CLN6: variants seen among roughly 807,000 people sequenced by gnomAD.
CLN6 encodes the protein ceroid-lipofuscinosis neuronal protein 6.
A neutral mutation model predicts 33.3 loss-of-function variants in CLN6; 22 were observed. The observed-to-expected ratio is 0.66, with a 90% CI of 0.47 to 0.94. The LOEUF (loss-of-function observed/expected upper bound fraction) is 0.94, where lower values mean the gene tolerates loss of function less well. Ranked by LOEUF, CLN6 falls within the 40% of genes least tolerant of loss-of-function variation. CLN6 has a pLI of 0.00. For missense variants in CLN6, 387 were observed against 417.1 expected, an observed-to-expected ratio of 0.93 and a Z score of 0.63; for synonymous variants, 201 against 174.6, an observed-to-expected ratio of 1.15 and a Z score of -1.19.
In CLN6 at chr15:68,242,123, C is replaced by A. The variant is rs1414757860; in HGVS notation, c.179+14567G>T. Among the ~76,000 whole-genome samples the A allele has an allele frequency of 6.6e-6, 1 of 152,064 alleles. No individual in the cohort carries two copies. Among genetic ancestry groups the A allele is most frequent in the African/African-American group, 2.4e-5 (1 of 41,388 alleles). On this transcript the variant is annotated intron_variant, in intron 1 of 6. Coordinates refer to the CLN6 transcript ENST00000538696. This position sits in a 1 kb window ranked among gnomAD's most constrained non-coding sequence, Gnocchi z 5.0. ...ACCAGTGATGGCCCTAAGAAGATGG[C>A]AATATGTGAGCTCTCTGACCAAGAA...
At position 68,219,093 on chromosome 15, in the gene CLN6, G is replaced by A. The variant is rs537733643; in HGVS notation, c.84-443C>T. Among the ~76,000 whole-genome samples, 13 of 152,300 alleles carry A rather than the reference G, an allele frequency of 8.5e-5. No individual in the cohort carries two copies. The East Asian group carries it at 2.1e-3, about 25-fold the overall frequency. On this transcript the variant is annotated intron_variant, in intron 1 of 6. Transcript: ENST00000249806. This position sits in a 1 kb window ranked among gnomAD's most constrained non-coding sequence, Gnocchi z 4.2. Reference sequence around the variant, plus strand: ...ATCCTCACAGAAACCTTTCAAGGCTGAAATATTACCTCCATTTTAGAAACG... The same window carrying A: ...ATCCTCACAGAAACCTTTCAAGGCTAAAATATTACCTCCATTTTAGAAACG...
rs912728678 is a variant in CLN6 at position 68,241,801 on chromosome 15, C to G, written c.179+14889G>C. Among the ~76,000 whole-genome samples, 3 of 152,192 alleles carry G rather than the reference C, an allele frequency of 2.0e-5. No homozygotes were observed. Among genetic ancestry groups the G allele is most frequent in the African/African-American group, 4.8e-5 (2 of 41,444 alleles). On this transcript the variant is annotated intron_variant, in intron 1 of 6. Coordinates refer to the CLN6 transcript ENST00000538696. The surrounding 1 kb of genome is among the most constrained non-coding windows in gnomAD (Gnocchi z 4.2). ...AGGATATCTGCTCTGGGACCTCCCC[C>G]ATTTGGAACTTCAGTGTTCCAATTG...
chr15:68,251,569 G>A (rs1160495703), intron 1 of CLN6, among the ~76,000 whole-genome samples: 4 of 152,216 alleles, frequency 2.6e-5, no homozygotes, highest in African/African-American at 9.6e-5. Flanking sequence ...CAGCTACTTG[G>A]GAGGCTGAGG....
intron 1 of CLN6, among the ~76,000 whole-genome samples, chr15:68,238,282 T>C (rs1892246811): frequency 6.6e-6 from 1 of 151,666 alleles, no homozygotes. Context: ...CACGTGCCTG[T>C]AATCCCAGCT....
exon 1 of CLN6, chr15:68,257,066 C>G: frequency 6.7e-6 from 3 of 451,028 alleles, no homozygotes; most frequent in Non-Finnish European, 7.9e-6. Context: ...TGCGGTTGGG[C>G]CGCGGGCCCA....
rs1445315583 is a variant in CLN6 at position 68,256,750 on chromosome 15, A to G, written c.119T>C (p.Leu40Pro). 1.4e-6 allele frequency: 1 copy of G among 701,316 alleles called. No individual in the cohort carries two copies. Among genetic ancestry groups the G allele is most frequent in the East Asian group, 2.7e-5 (1 of 37,268 alleles). 43.4% of individuals were successfully genotyped at this position (701,316 alleles called of 1,614,324 possible). A position where few individuals can be genotyped will look rare whatever the true frequency, so the allele number is the denominator to read the frequency against. ...CTCACAGGACAATGGCGCCTGCGCCAGTGGCTTGAAGGCTCGGCTCAAGCC... is the reference window on the plus strand; with the variant it reads ...CTCACAGGACAATGGCGCCTGCGCCGGTGGCTTGAAGGCTCGGCTCAAGCC... The change falls in exon 1 of 7, where the codon CTG becomes CCG. Residue 40 changes from leucine to proline, a missense_variant. Physicochemically the swap from Leu to Pro is moderately conservative, Grantham distance 98 (BLOSUM62 -3). Transcript: ENST00000538696. This position sits in a 1 kb window ranked among gnomAD's most constrained non-coding sequence, Gnocchi z 4.1.
intron 1 of CLN6, among the ~76,000 whole-genome samples, chr15:68,255,293 A>G (rs1248214816): frequency 1.5e-5 from 1 of 65,500 alleles, no homozygotes; most frequent in South Asian, 9.3e-4. Context: ...AAACCCAGAC[A>G]CCTGTTGGAC....
At chr15:68,229,414 C>T in intron 1 of CLN6, 88 bp downstream of exon 1, 1 of 1,086,814 alleles carries the variant, frequency 9.2e-7, no homozygotes, top group Non-Finnish European at 1.3e-6. Context: ...AGGTTCCCGC[C>T]CGGCAGCCCT....
chr15:68,254,827 G>T (rs1348693021), intron 1 of CLN6: 21 of 1,123,278 alleles, frequency 1.9e-5, no homozygotes, highest in Non-Finnish European at 1.5e-5. Flanking sequence ...TGGCAAGGAG[G>T]GGAATAACCC....
At chr15:68,250,429 T>G (rs770651965) in intron 1 of CLN6, among the ~76,000 whole-genome samples, 6 of 151,862 alleles carry the variant, frequency 4.0e-5, no homozygotes, top group Non-Finnish European at 8.8e-5. Flanking sequence ...AAGACCATTC[T>G]GGTTAACCAA....
At chr15:68,254,560 G>C (rs1485524990) in intron 1 of CLN6, 2 of 502,018 alleles carry the variant, frequency 4.0e-6, no homozygotes, top group African/African-American at 3.9e-5. Flanking sequence ...TGAAAAAGAG[G>C]TGAGAACGAC....
intron 1 of CLN6, among the ~76,000 whole-genome samples, chr15:68,221,882 C>T (rs972717160): frequency 7.1e-6 from 1 of 141,788 alleles, no homozygotes; most frequent in Non-Finnish European, 1.5e-5. Flanking sequence ...GGCTGCCCAT[C>T]GTCTGGGATG....
chr15:68,211,347 G>A lies in CLN6; in HGVS notation c.487-29C>T, dbSNP rs200979467. 1.5e-4 allele frequency: 241 copies of A among 1,612,826 alleles called. 1 individual carries two copies. The African/African-American group carries it at 2.5e-3, about 17-fold the overall frequency. Reference sequence around the variant, plus strand: ...AGGGAGGAACGGGCAGGGCAGAGTCGGGGGATGTCGATGTCAGTCCAGGGA... The same window carrying A: ...AGGGAGGAACGGGCAGGGCAGAGTCAGGGGATGTCGATGTCAGTCCAGGGA... On this transcript the variant is annotated intron_variant, in intron 4 of 6. Transcript: ENST00000249806. The surrounding 1 kb of genome is among the most constrained non-coding windows in gnomAD (Gnocchi z 5.9).
chr15:68,236,869 T>C lies in CLN6; in HGVS notation c.180-18219A>G, dbSNP rs570988112. ...ACAATTTGTTGACATTAAAACTGAA[T>C]GGAGGCGGCCGGGCGCGGTGGCTCA... is the stretch of plus-strand genomic sequence containing the variant. On this transcript the variant is annotated intron_variant, in intron 1 of 6. Transcript: ENST00000538696. The surrounding 1 kb of genome is among the most constrained non-coding windows in gnomAD (Gnocchi z 4.5). Among the ~76,000 whole-genome samples the C allele has an allele frequency of 3.9e-5, 6 of 152,174 alleles. No individual in the cohort carries two copies. The highest frequency in any genetic ancestry group is 1.2e-4 in the African/African-American group (5 of 41,438).
chr15:68,256,981 C>G lies in CLN6; in HGVS notation c.-113G>C, dbSNP rs58176711. On this transcript the variant is annotated 5_prime_UTR_variant, in exon 1 of 7. Transcript: ENST00000538696. The surrounding 1 kb of genome is among the most constrained non-coding windows in gnomAD (Gnocchi z 4.1). ...TCACGCATCCCTTCCCTGGGCTTCT[C>G]CGGCACACCTGTATCTAGGGACTGA... The G allele has an allele frequency of 0.037, 21,729 of 581,882 alleles. 2,198 individuals are homozygous for G. The highest frequency in any genetic ancestry group is 0.27 in the African/African-American group (14,622 of 53,472). 36.0% of individuals were successfully genotyped at this position (581,882 alleles called of 1,614,324 possible).
chr15:68,214,709 T>C, intron 2 of CLN6: 1 of 360,168 alleles, frequency 2.8e-6, no homozygotes, highest in Non-Finnish European at 5.4e-6. Context: ...GCTTGGGAGT[T>C]GGTAGGCTTC....
At chr15:68,248,910 G>A (rs1334638843) in intron 1 of CLN6, among the ~76,000 whole-genome samples, 1 of 151,946 alleles carries the variant, frequency 6.6e-6, no homozygotes, top group Non-Finnish European at 1.5e-5. Flanking sequence ...TATGACAAGG[G>A]GGATTAATAA....
rs1380515181 is a variant in CLN6 at position 68,212,105 on chromosome 15, G to A, written c.298-242C>T. ...CTTTACCCAGGGAGCAAAAAGACCA[G>A]AGGGCCCAACTCCTTTCCCAAAGTC... is the stretch of plus-strand genomic sequence containing the variant. On this transcript the variant is annotated intron_variant, in intron 3 of 6. Transcript: ENST00000249806. The A allele has an allele frequency of 6.1e-5, 34 of 560,344 alleles. No individual in the cohort carries two copies. The East Asian group carries it at 8.8e-4, about 15-fold the overall frequency. 34.7% of individuals were successfully genotyped at this position (560,344 alleles called of 1,614,324 possible). A position where few individuals can be genotyped will look rare whatever the true frequency, so the allele number is the denominator to read the frequency against.
rs1283206955 is a variant in CLN6 at position 68,234,835 on chromosome 15, A to G, written c.180-16185T>C. ...AGTTTGAGACCAGCCTGGCCAACAT[A>G]GTGAAACTCCGTCTCTACTAAAAAT... On this transcript the variant is annotated intron_variant, in intron 1 of 6. Transcript: ENST00000538696. The surrounding 1 kb of genome is among the most constrained non-coding windows in gnomAD (Gnocchi z 4.1). 2.0e-5 allele frequency among the ~76,000 whole-genome samples: 3 copies of G among 152,116 alleles called. No individual in the cohort carries two copies. The highest frequency in any genetic ancestry group is 4.4e-5 in the Non-Finnish European group (3 of 68,024).
Sources: allele counts gnomAD v4.1 joint callset (sites outside exome capture counted in the v4.1 genomes callset), GRCh38; gene constraint gnomAD v4.1.1; non-coding constraint Gnocchi (gnomAD v3.1); transcripts MANE v1.5; gene names NCBI Gene and HGNC (gene_info 2026-07-23, HGNC 2026-07-21).